Variants in ZNF728 observed in about 807,000 individuals in gnomAD.
ZNF728 encodes the protein zinc finger protein 728.
Under a neutral mutation model 12.5 loss-of-function variants are expected in ZNF728, and 12 were observed. The ratio of observed to expected loss-of-function variants is 0.96; its 90% CI spans 0.61 to 1.55. ZNF728 has a LOEUF of 1.55. Ranked by LOEUF, ZNF728 falls within the 40% of genes most tolerant of loss-of-function variation. ZNF728 has a pLI of 0.00. For missense variants in ZNF728, 692 were observed against 719.2 expected (o/e 0.96, Z 0.43); for synonymous variants, 205 against 240.7 (o/e 0.85, Z 1.37).
chr19:22,992,584 C>A (rs1253879925), intron 1 of ZNF728, among the ~76,000 whole-genome samples: 1 of 151,930 alleles, frequency 6.6e-6, no homozygotes, highest in Non-Finnish European at 1.5e-5. Context: ...GAAATGGAAG[C>A]AATTAGTTTA....
At chr19:22,983,799 GAAC>G (rs1010132408) in intron 3 of ZNF728, among the ~76,000 whole-genome samples, 1 of 152,222 alleles carries the variant, frequency 6.6e-6, no homozygotes, top group Non-Finnish European at 1.5e-5. Flanking sequence ...AGTGGGAGTT[GAAC>G]AACGACAACA....
intron 1 of ZNF728, among the ~76,000 whole-genome samples, chr19:22,997,385 TG>T (rs1179346602): frequency 6.6e-6 from 1 of 152,102 alleles, no homozygotes; most frequent in African/African-American, 2.4e-5. Flanking sequence ...AAAAATTAAA[TG>T]GCCTACACCT....
Position 23,003,048 on chromosome 19 carries a change from T to A in ZNF728, c.-18A>T, listed in dbSNP as rs111427747. ...CTCACCATTTCTAGGCTTCCGGGGG[T>A]CCTGGCGACTTAGTTGTGAATCTCC... On this transcript the variant is annotated 5_prime_UTR_variant, in exon 1 of 4. Transcript: ENST00000594710. 27 of 1,580,848 alleles carry A rather than the reference T, an allele frequency of 1.7e-5. No homozygotes were observed. In the African/African-American group the frequency reaches 1.9e-4, roughly 11 times the overall value.
In ZNF728 at chr19:22,980,225, G is replaced by A. The variant is rs186513889; in HGVS notation, c.227-3115C>T. Among the ~76,000 whole-genome samples the A allele has an allele frequency of 9.6e-3, 1,422 of 147,714 alleles. 18 individuals carry two copies. Among genetic ancestry groups the A allele is most frequent in the African/African-American group, 0.033 (1,329 of 39,980 alleles). ...AACAAAAAAAAAAAAAACAGGGGTT[G>A]CAATCCTAGTCTCTGATAAAACAGA... On this transcript the variant is annotated intron_variant, in intron 3 of 3. Transcript: ENST00000594710.
chr19:23,003,160 G>T lies in ZNF728; in HGVS notation c.-130C>A. Reference sequence around the variant, plus strand: ...GTAAGGACGACACCTTGACCTCCGCGTGCAGCGAGAGCCAACGGTCCTACC... The same window carrying T: ...GTAAGGACGACACCTTGACCTCCGCTTGCAGCGAGAGCCAACGGTCCTACC... On this transcript the variant is annotated 5_prime_UTR_variant, in exon 1 of 4. Transcript: ENST00000594710. The T allele has an allele frequency of 2.7e-6, 3 of 1,130,594 alleles. No homozygotes were observed. The highest frequency in any genetic ancestry group is 1.8e-5 in the South Asian group (1 of 55,534). The allele number at this position is 1,130,594 out of a possible 1,614,324, so 70.0% of individuals were successfully genotyped here.
rs398040954 is a variant in ZNF728, at chr19:22,984,557, CAA to C, written c.226+2749_226+2750del. Among the ~76,000 whole-genome samples the C allele has an allele frequency of 4.1e-3, 312 of 77,014 alleles. 4 individuals carry two copies. The highest frequency in any genetic ancestry group is 0.012 in the African/African-American group (268 of 23,152). The allele number at this position is 77,014 out of a possible 152,430, so 50.5% of individuals were successfully genotyped here. On this transcript the variant is annotated intron_variant, in intron 3 of 3. Coordinates refer to ENST00000594710, the MANE Select transcript of ZNF728 (RefSeq NM_001267716.2). ...CTGGAGATAGAGCGAGACTCCATCT[CAA>C]AAAAAAAAAAAAAAAAATACACACA...
intron 1 of ZNF728, among the ~76,000 whole-genome samples, chr19:22,989,051 C>CAAAAAAA (rs68080575): frequency 1.4e-4 from 7 of 50,186 alleles, no homozygotes; most frequent in Non-Finnish European, 2.0e-4. Flanking sequence ...AACTCCATCT[C>CAAAAAAA]AAAAAAAAAA....
At chr19:22,985,044 G>C (rs888905641) in intron 3 of ZNF728, among the ~76,000 whole-genome samples, 5 of 152,000 alleles carry the variant, frequency 3.3e-5, no homozygotes, top group African/African-American at 4.8e-5. Flanking sequence ...AATAGGTAAA[G>C]GCAATGCAAA....
chr19:22,999,981 G>A (rs192013560), intron 1 of ZNF728, among the ~76,000 whole-genome samples: 41 of 152,162 alleles, frequency 2.7e-4, no homozygotes, highest in African/African-American at 9.2e-4. Flanking sequence ...CTCTACAGCC[G>A]AAATGGAAGA....
chr19:22,981,452 AAAG>A (rs1968860746), intron 3 of ZNF728, among the ~76,000 whole-genome samples: 1 of 152,222 alleles, frequency 6.6e-6, no homozygotes, highest in African/African-American at 2.4e-5. Context: ...CCAGAGGTAC[AAAG>A]AAGAGCTGAT....
intron 3 of ZNF728, among the ~76,000 whole-genome samples, chr19:22,980,521 C>A (rs1420033769): frequency 6.6e-6 from 1 of 152,104 alleles, no homozygotes; most frequent in Admixed American, 6.6e-5. Flanking sequence ...CAGCTCTGGA[C>A]CAAGCAGACC....
At chr19:22,987,773 C>T (rs560782401) in intron 2 of ZNF728, among the ~76,000 whole-genome samples, 2 of 152,192 alleles carry the variant, frequency 1.3e-5, no homozygotes, top group East Asian at 3.9e-4. Context: ...ATGGAAAAAT[C>T]CCTATGATTT....
At chr19:22,999,799 C>T (rs1969087474) in intron 1 of ZNF728, among the ~76,000 whole-genome samples, 1 of 151,928 alleles carries the variant, frequency 6.6e-6, no homozygotes, top group South Asian at 2.1e-4. Context: ...TAGGAGGTAC[C>T]AAATTTCATC....
intron 3 of ZNF728, among the ~76,000 whole-genome samples, 185 bp downstream of exon 3, chr19:22,987,123 A>G (rs1222613617): frequency 6.6e-6 from 1 of 152,264 alleles, no homozygotes; most frequent in Non-Finnish European, 1.5e-5. Flanking sequence ...AATAATTCTT[A>G]GAAATTTTAA....
At chr19:22,983,387 A>G (rs1008022991) in intron 3 of ZNF728, among the ~76,000 whole-genome samples, 2 of 152,160 alleles carry the variant, frequency 1.3e-5, no homozygotes, top group African/African-American at 4.8e-5. Context: ...GAGAAGTAGG[A>G]ATGCTTTTAC....
chr19:22,986,318 CAAAT>C (rs142011175), intron 3 of ZNF728, among the ~76,000 whole-genome samples: 2,304 of 152,048 alleles, frequency 0.015, 53 homozygotes, highest in African/African-American at 0.05. Context: ...AAATTGAAGA[CAAAT>C]AAGTAAAACA....
At chr19:22,990,267 AAAG>A (rs1460130583) in intron 1 of ZNF728, among the ~76,000 whole-genome samples, 1 of 152,108 alleles carries the variant, frequency 6.6e-6, no homozygotes, top group African/African-American at 2.4e-5. Context: ...TGAAAAAAAA[AAAG>A]GTCATTTTTT....
rs1285263958 is a variant in ZNF728, at chr19:22,984,149, T to C, written c.226+3159A>G. On this transcript the variant is annotated intron_variant, in intron 3 of 3. Transcript: ENST00000594710. Reference sequence around the variant, plus strand: ...ATAGCTCATACAACATATTTCTTGATAGACCACCTCTTAGGCCAAAAAAGA... The same window carrying C: ...ATAGCTCATACAACATATTTCTTGACAGACCACCTCTTAGGCCAAAAAAGA... 2.6e-5 allele frequency among the ~76,000 whole-genome samples: 4 copies of C among 152,060 alleles called. No homozygotes were observed. The East Asian group carries it at 5.8e-4, about 22-fold the overall frequency.
At chr19:22,990,040 G>A (rs1303170666) in intron 1 of ZNF728, among the ~76,000 whole-genome samples, 12 of 151,984 alleles carry the variant, frequency 7.9e-5, no homozygotes, top group Admixed American at 3.9e-4. Context: ...ATTTCTGCAC[G>A]GCATATAAGA....
Sources: allele counts gnomAD v4.1 joint callset (sites outside exome capture counted in the v4.1 genomes callset), GRCh38; gene constraint gnomAD v4.1.1; transcripts MANE v1.5; gene names NCBI Gene and HGNC (gene_info 2026-07-23, HGNC 2026-07-21).